MICU1: variants seen among roughly 807,000 people sequenced by gnomAD.
MICU1 encodes calcium uptake protein 1, mitochondrial.
Under a neutral mutation model 56.8 loss-of-function variants are expected in MICU1, and 45 were observed. That is an observed-to-expected ratio of 0.79 (90% CI 0.62 to 1.02). The LOEUF is 1.02. Ranked by LOEUF, MICU1 falls within the 50% of genes least tolerant of loss-of-function variation. MICU1 has a pLI of 0.00. For synonymous variants in MICU1, 186 were observed against 195.1 expected, an observed-to-expected ratio of 0.95 and a Z score of 0.39; for missense variants, 504 against 587.1, an observed-to-expected ratio of 0.86 and a Z score of 1.46.
chr10:72,486,267 T>C (rs535113043), intron 6 of MICU1, among the ~76,000 whole-genome samples: 1 of 152,296 alleles, frequency 6.6e-6, no homozygotes, highest in East Asian at 1.9e-4. Flanking sequence ...ATTTTCAGTA[T>C]TGTTGGTTGC....
intron 6 of MICU1, among the ~76,000 whole-genome samples, chr10:72,501,556 C>T (rs1327253390): frequency 6.6e-6 from 1 of 151,430 alleles, no homozygotes; most frequent in African/African-American, 2.4e-5. Flanking sequence ...ATCAGTCATG[C>T]AGCTTATATT....
chr10:72,542,108 C>T (rs1839787120), intron 4 of MICU1, among the ~76,000 whole-genome samples: 2 of 152,102 alleles, frequency 1.3e-5, no homozygotes, highest in Admixed American at 6.5e-5. Flanking sequence ...TTATAGTCTT[C>T]AACAAAAATG....
At chr10:72,579,320 G>T (rs745932846) in intron 1 of MICU1, among the ~76,000 whole-genome samples, 1 of 152,084 alleles carries the variant, frequency 6.6e-6, no homozygotes. Flanking sequence ...GGCCTGTTCC[G>T]CATAGACACA....
chr10:72,512,810 T>C (rs1386917354), intron 5 of MICU1, among the ~76,000 whole-genome samples: 4 of 152,108 alleles, frequency 2.6e-5, no homozygotes, highest in African/African-American at 9.7e-5. Flanking sequence ...GCTCAGGTGA[T>C]CCTCCCATCT....
intron 1 of MICU1, among the ~76,000 whole-genome samples, chr10:72,609,577 A>T (rs567356952): frequency 1.3e-5 from 2 of 151,938 alleles, no homozygotes; most frequent in East Asian, 3.9e-4. Flanking sequence ...TACTAAAAAT[A>T]CAAAAAATTA....
intron 8 of MICU1, among the ~76,000 whole-genome samples, chr10:72,430,246 T>G (rs1864481950): frequency 6.6e-6 from 1 of 152,210 alleles, no homozygotes; most frequent in African/African-American, 2.4e-5. Context: ...AAGGCAAGAT[T>G]TAAAAAAATG....
chr10:72,368,079 A>C lies in MICU1; in HGVS notation c.*116T>G. ...GGGAAACCGACAGAGTCCTGAGGTC[A>C]TCCCGGGAGGAAGGGGGACTACTTC... On this transcript the variant is annotated 3_prime_UTR_variant, in exon 12 of 12. Transcript: ENST00000361114. 15 of 1,098,948 alleles carry C rather than the reference A, an allele frequency of 1.4e-5. No homozygotes were observed. The highest frequency in any genetic ancestry group is 1.8e-5 in the Non-Finnish European group (14 of 772,370). 68.1% of individuals were successfully genotyped at this position (1,098,948 alleles called of 1,614,324 possible). A position where few individuals can be genotyped will look rare whatever the true frequency, so the allele number is the denominator to read the frequency against.
chr10:72,519,502 T>C (rs943074915), intron 5 of MICU1, among the ~76,000 whole-genome samples: 2 of 152,192 alleles, frequency 1.3e-5, no homozygotes, highest in African/African-American at 4.8e-5. Context: ...ACTGTTACAC[T>C]TCACAGTAAG....
At chr10:72,392,854 C>A (rs1433809842) in intron 10 of MICU1, among the ~76,000 whole-genome samples, 2 of 152,230 alleles carry the variant, frequency 1.3e-5, no homozygotes, top group African/African-American at 4.8e-5. Context: ...AAGCAAAGGC[C>A]TGGGCAGAGC....
At chr10:72,430,714 C>T (rs1864497641) in intron 8 of MICU1, among the ~76,000 whole-genome samples, 1 of 152,140 alleles carries the variant, frequency 6.6e-6, no homozygotes, top group South Asian at 2.1e-4. Flanking sequence ...GCATGCGCCA[C>T]CACGCCTGGC....
chr10:72,404,077 C>A (rs1234263272), intron 10 of MICU1, among the ~76,000 whole-genome samples: 4 of 151,876 alleles, frequency 2.6e-5, no homozygotes, highest in Admixed American at 2.0e-4. Context: ...GTAACCTCTG[C>A]CTCCTGGGTT....
chr10:72,459,099 G>C (rs1435036360), intron 8 of MICU1, among the ~76,000 whole-genome samples: 1 of 152,068 alleles, frequency 6.6e-6, no homozygotes, highest in Non-Finnish European at 1.5e-5. Context: ...GGGAAGCCAA[G>C]GCAGGTGGAT....
chr10:72,475,837 AG>A (rs1318896373), intron 7 of MICU1: 5 of 456,600 alleles, frequency 1.1e-5, no homozygotes, highest in Non-Finnish European at 2.2e-5. Flanking sequence ...TAGCAGAATT[AG>A]GGTTCTAACA....
At chr10:72,381,451 T>A (rs1862701065) in intron 10 of MICU1, among the ~76,000 whole-genome samples, 1 of 152,118 alleles carries the variant, frequency 6.6e-6, no homozygotes, top group South Asian at 2.1e-4. Flanking sequence ...TGAGCTTTTG[T>A]TAATACAAAT....
chr10:72,591,968 A>G (rs1466132799), intron 1 of MICU1, among the ~76,000 whole-genome samples: 1 of 150,946 alleles, frequency 6.6e-6, no homozygotes, highest in Admixed American at 6.6e-5. Context: ...CCAACATTCA[A>G]CACTGGACTC....
intron 6 of MICU1, among the ~76,000 whole-genome samples, chr10:72,504,923 G>A (rs1000086704): frequency 6.6e-6 from 1 of 151,914 alleles, no homozygotes; most frequent in African/African-American, 2.4e-5. Flanking sequence ...AAGCTACAAT[G>A]AGATGCCATC....
At chr10:72,510,624 T>C (rs1332793007) in intron 5 of MICU1, among the ~76,000 whole-genome samples, 1 of 151,194 alleles carries the variant, frequency 6.6e-6, no homozygotes, top group Admixed American at 6.7e-5. Flanking sequence ...TTGATACACA[T>C]ACTATTATCT....
At chr10:72,605,012 C>T (rs1042526090) in intron 1 of MICU1, among the ~76,000 whole-genome samples, 1 of 152,080 alleles carries the variant, frequency 6.6e-6, no homozygotes, top group East Asian at 1.9e-4. Context: ...GAGTACAATG[C>T]CTAACATGCA....
intron 3 of MICU1, among the ~76,000 whole-genome samples, chr10:72,559,595 G>GT (rs1275064831): frequency 6.6e-6 from 1 of 152,186 alleles, no homozygotes; most frequent in African/African-American, 2.4e-5. Context: ...GGAGGCCAAG[G>GT]TGGGAGGATT....
Sources: gnomAD v4.1 joint callset for allele counts (sites outside exome capture counted in the v4.1 genomes callset) on GRCh38, gnomAD v4.1.1 for gene constraint, MANE v1.5 for transcripts, NCBI Gene and HGNC (gene_info 2026-07-23, HGNC 2026-07-21) for gene names.